SLC2A9: variants seen among roughly 807,000 people sequenced by gnomAD.
The protein encoded by SLC2A9 is solute carrier family 2 member 9.
SLC2A9 carries 39 observed loss-of-function variants against 50.6 expected under a neutral mutation model. The ratio of observed to expected loss-of-function variants is 0.77; its 90% CI spans 0.60 to 1.01. The LOEUF (loss-of-function observed/expected upper bound fraction) is 1.01, where lower values mean the gene tolerates loss of function less well. Ranked by LOEUF, SLC2A9 falls within the 50% of genes least tolerant of loss-of-function variation. SLC2A9 has a pLI of 0.00. For synonymous variants in SLC2A9, 324 were observed against 276.9 expected, an observed-to-expected ratio of 1.17 and a Z score of -1.69; for missense variants, 686 against 677.6, an observed-to-expected ratio of 1.01 and a Z score of -0.14.
chr4:9,937,264 A>T (rs1236342073), intron 6 of SLC2A9, among the ~76,000 whole-genome samples: 1 of 152,112 alleles, frequency 6.6e-6, no homozygotes, highest in African/African-American at 2.4e-5. Context: ...TGAGGGCTGG[A>T]GGCTTTGGTA....
At chr4:9,926,661 T>A (rs1279399099) in intron 6 of SLC2A9, among the ~76,000 whole-genome samples, 1 of 152,032 alleles carries the variant, frequency 6.6e-6, no homozygotes, top group African/African-American at 2.4e-5. Flanking sequence ...GTGGGTTGAA[T>A]TGTGTCTTCA....
At chr4:9,826,014 C>T (rs1181349888), downstream of SLC2A9, among the ~76,000 whole-genome samples, 2 of 152,268 alleles carry the variant, frequency 1.3e-5, no homozygotes, top group African/African-American at 4.8e-5. Context: ...CGTTGAGTCC[C>T]CTATCAGACC....
chr4:10,009,511 A>G (rs981077682), intron 2 of SLC2A9: 3 of 152,218 alleles, frequency 2.0e-5, no homozygotes, highest in African/African-American at 7.2e-5. Flanking sequence ...AATAGAATAT[A>G]CCATTTATGC....
At chr4:9,947,149 G>C (rs984831010) in intron 5 of SLC2A9, among the ~76,000 whole-genome samples, 1 of 152,118 alleles carries the variant, frequency 6.6e-6, no homozygotes, top group African/African-American at 2.4e-5. Flanking sequence ...CTGTACGTTG[G>C]GACTCTGGGG....
At chr4:9,787,803 C>A (rs575338706) in intron 3 of SLC2A9, among the ~76,000 whole-genome samples, 1 of 152,200 alleles carries the variant, frequency 6.6e-6, no homozygotes, top group South Asian at 2.1e-4. Flanking sequence ...GTATGTTGGG[C>A]AGGAATATCA....
intron 5 of SLC2A9, among the ~76,000 whole-genome samples, chr4:9,976,748 A>G (rs1204142459): frequency 6.6e-6 from 1 of 152,208 alleles, no homozygotes; most frequent in African/African-American, 2.4e-5. Context: ...CATCATGTTC[A>G]TGAGCCCTGT....
chr4:10,007,030 CT>C (rs1177875776), intron 2 of SLC2A9, among the ~76,000 whole-genome samples: 1 of 152,170 alleles, frequency 6.6e-6, no homozygotes. Context: ...GAGCTTGCCC[CT>C]GGTTTCCTCT....
chr4:9,931,190 C>A (rs565023181), intron 6 of SLC2A9, among the ~76,000 whole-genome samples: 1 of 152,222 alleles, frequency 6.6e-6, no homozygotes, highest in Admixed American at 6.5e-5. Context: ...CCAAGCCCTA[C>A]CCCCTGAATG....
chr4:9,950,847 C>T lies in SLC2A9; in HGVS notation c.682-8802G>A, dbSNP rs1750097496. On this transcript the variant is annotated intron_variant, in intron 5 of 11. Transcript: ENST00000264784. The stretch of plus-strand genomic sequence containing the variant: ...GGCGGAGCTTGCAGTGAGCCGAGAT[C>T]GCGCCACTGCACGCCAGCCTGGGCG... Among the ~76,000 whole-genome samples, 2 of 29,286 alleles carry T rather than the reference C, an allele frequency of 6.8e-5. 1 individual carries two copies. Among genetic ancestry groups the T allele is most frequent in the Non-Finnish European group, 1.1e-4 (2 of 18,962 alleles). The allele number at this position is 29,286 out of a possible 152,430, so 19.2% of individuals were successfully genotyped here. A position where few individuals can be genotyped will look rare whatever the true frequency, so the allele number is the denominator to read the frequency against.
chr4:9,982,179 C>T (rs1247024194), intron 4 of SLC2A9, among the ~76,000 whole-genome samples: 2 of 152,234 alleles, frequency 1.3e-5, no homozygotes, highest in East Asian at 1.9e-4. Context: ...TGCGCCCGGA[C>T]CGGCTTTAAA....
At chr4:10,010,106 A>G (rs1252375328) in intron 2 of SLC2A9, among the ~76,000 whole-genome samples, 1 of 152,212 alleles carries the variant, frequency 6.6e-6, no homozygotes, top group African/African-American at 2.4e-5. Context: ...GCCAAGTGAC[A>G]TCAGCCCTAC....
intron 3 of SLC2A9, among the ~76,000 whole-genome samples, chr4:9,799,702 C>CCCCA (rs1553813200): frequency 3.8e-5 from 5 of 129,960 alleles, no homozygotes; most frequent in South Asian, 6.0e-4. Context: ...ACCCCCCCCC[C>CCCCA]ACCCAACTTC....
chr4:9,806,267 A>G (rs1055708163), intron 3 of SLC2A9, among the ~76,000 whole-genome samples: 2 of 152,244 alleles, frequency 1.3e-5, no homozygotes, highest in African/African-American at 4.8e-5. Flanking sequence ...AGGTCAAGGA[A>G]CACTTGGTCC....
At chr4:9,926,182 G>A (rs193135462) in intron 6 of SLC2A9, among the ~76,000 whole-genome samples, 1 of 152,164 alleles carries the variant, frequency 6.6e-6, no homozygotes. Flanking sequence ...CAGTGGGAGA[G>A]GGCAGGTCTT....
chr4:9,969,603 G>A (rs1753574162), intron 5 of SLC2A9, among the ~76,000 whole-genome samples: 1 of 152,122 alleles, frequency 6.6e-6, no homozygotes, highest in Admixed American at 6.5e-5. Flanking sequence ...ACATACCTGA[G>A]ACTGGGTAAT....
chr4:9,855,870 C>T (rs1283535301), intron 10 of SLC2A9, among the ~76,000 whole-genome samples: 1 of 152,182 alleles, frequency 6.6e-6, no homozygotes, highest in African/African-American at 2.4e-5. Context: ...GAAAGGACTT[C>T]CTGTGCAATA....
chr4:9,782,619 T>C (rs1418215612), intron 3 of SLC2A9: 7 of 1,613,826 alleles, frequency 4.3e-6, no homozygotes, highest in African/African-American at 1.3e-5. Context: ...CCAAACAACC[T>C]GGCCAACTGG....
chr4:9,940,954 G>A (rs539456324), intron 6 of SLC2A9, among the ~76,000 whole-genome samples: 122 of 152,224 alleles, frequency 8.0e-4, no homozygotes, highest in Non-Finnish European at 1.3e-3. Flanking sequence ...AACCTTATAT[G>A]CACCATCTAA....
intron 3 of SLC2A9, among the ~76,000 whole-genome samples, chr4:9,993,351 C>A (rs947751927): frequency 6.6e-6 from 1 of 152,254 alleles, no homozygotes; most frequent in Middle Eastern, 3.4e-3. Flanking sequence ...GATGGAATGA[C>A]CCGTCTCAAA....
Sources: gnomAD v4.1 joint callset for allele counts (sites outside exome capture counted in the v4.1 genomes callset) on GRCh38, gnomAD v4.1.1 for gene constraint, MANE v1.5 for transcripts, NCBI Gene and HGNC (gene_info 2026-07-23, HGNC 2026-07-21) for gene names.